The following CIT variants were observed in gnomAD, a reference collection of about 807,000 sequenced individuals.
CIT encodes the protein citron rho-interacting serine/threonine kinase.
Under a neutral mutation model 272.7 loss-of-function variants are expected in CIT, and 79 were observed. That is an observed-to-expected ratio of 0.29 (90% CI 0.24 to 0.35). CIT has a LOEUF of 0.35. CIT is among the 10% of genes least tolerant of loss of function. CIT has a pLI of 1.00. For synonymous variants in CIT, 948 were observed against 995.6 expected (o/e 0.95, Z 0.90); for missense variants, 1,909 against 2,618.3 (o/e 0.73, Z 5.91).
At chr12:119,717,844 T>C (rs1221790016) in intron 32 of CIT, among the ~76,000 whole-genome samples, 2 of 123,702 alleles carry the variant, frequency 1.6e-5, no homozygotes, top group Non-Finnish European at 3.4e-5. Flanking sequence ...CTTTCTTTTT[T>C]TTTTTTTTTT....
chr12:119,871,026 G>A (rs1307982092), intron 2 of CIT, among the ~76,000 whole-genome samples: 1 of 151,862 alleles, frequency 6.6e-6, no homozygotes, highest in African/African-American at 2.4e-5. Flanking sequence ...GGCTGGGGCA[G>A]GAGAATTGCT....
In CIT at chr12:119,876,176, C is replaced by G. The variant is rs780550388; in HGVS notation, c.-8G>C. On this transcript the variant is annotated 5_prime_UTR_variant, in exon 2 of 48. Coordinates refer to ENST00000392521, the MANE Select transcript of CIT (RefSeq NM_001206999.2). ...ATATTTGAACTTCAACATCTCCCCA[C>G]TGGCGCTGAAAGGATATCAGAAAAG... 29 of 1,607,394 alleles carry G rather than the reference C, an allele frequency of 1.8e-5. No homozygotes were observed. The highest frequency in any genetic ancestry group is 2.4e-5 in the Non-Finnish European group (28 of 1,174,312).
intron 32 of CIT, among the ~76,000 whole-genome samples, chr12:119,714,669 A>G (rs1428867614): frequency 6.6e-6 from 1 of 152,220 alleles, no homozygotes; most frequent in East Asian, 1.9e-4. Context: ...TACAGTCTAA[A>G]AAAAGGAAGA....
In CIT at chr12:119,687,916, T is replaced by G. The variant is rs1393946713; in HGVS notation, c.*316A>C. ...ATGTTGTAGTTAGCATCCCGGTTGG[T>G]TTCCTTTGATGAACTAACTGGTACA... On this transcript the variant is annotated 3_prime_UTR_variant, in exon 48 of 48. Coordinates refer to ENST00000392521, the MANE Select transcript of CIT (RefSeq NM_001206999.2). 2.9e-6 allele frequency: 1 copy of G among 344,766 alleles called. No homozygotes were observed. The highest frequency in any genetic ancestry group is 2.1e-5 in the African/African-American group (1 of 47,368). The allele number at this position is 344,766 out of a possible 1,614,324, so 21.4% of individuals were successfully genotyped here. A position where few individuals can be genotyped will look rare whatever the true frequency, so the allele number is the denominator to read the frequency against.
intron 10 of CIT, among the ~76,000 whole-genome samples, chr12:119,791,452 G>A (rs916914555): frequency 5.3e-5 from 8 of 152,224 alleles, no homozygotes; most frequent in Non-Finnish European, 7.3e-5. Context: ...TCACTTTAGG[G>A]TTCAGGGGAG....
intron 5 of CIT, among the ~76,000 whole-genome samples, chr12:119,846,743 A>C (rs2138220288): frequency 6.6e-6 from 1 of 152,262 alleles, no homozygotes; most frequent in South Asian, 2.1e-4. Context: ...AGTCTCTATG[A>C]AAAATTTAAA....
chr12:119,832,593 A>G (rs752601427), intron 7 of CIT, among the ~76,000 whole-genome samples, 178 bp downstream of exon 7: 11 of 152,244 alleles, frequency 7.2e-5, no homozygotes, highest in Non-Finnish European at 2.9e-5. Context: ...AACAGGCACT[A>G]TAAATAAAAA....
chr12:119,834,021 T>C (rs1968827947), intron 6 of CIT, 65 bp downstream of exon 6: 9 of 1,480,732 alleles, frequency 6.1e-6, no homozygotes, highest in Non-Finnish European at 8.2e-6. Flanking sequence ...CTCATTTCCA[T>C]GCAGGAACTC....
intron 2 of CIT, among the ~76,000 whole-genome samples, chr12:119,872,303 C>A (rs752381552): frequency 3.3e-5 from 5 of 152,008 alleles, no homozygotes; most frequent in Non-Finnish European, 5.9e-5. Context: ...ATTTTGCTGG[C>A]TCAGAAAGTC....
chr12:119,868,506 C>A (rs1950577987), intron 3 of CIT, among the ~76,000 whole-genome samples: 1 of 152,128 alleles, frequency 6.6e-6, no homozygotes, highest in Non-Finnish European at 1.5e-5. Flanking sequence ...TAAAACTTAA[C>A]TCATTCCTGG....
intron 5 of CIT, among the ~76,000 whole-genome samples, chr12:119,835,875 C>T (rs1007218098): frequency 5.9e-5 from 9 of 152,146 alleles, no homozygotes; most frequent in Non-Finnish European, 2.9e-5. Flanking sequence ...CTGGGGGCTC[C>T]TTATAACCTG....
intron 25 of CIT, 138 bp downstream of exon 25, chr12:119,735,021 GA>G (rs1849669995): frequency 1.3e-6 from 1 of 781,866 alleles, no homozygotes. Flanking sequence ...TAAAGGCTTG[GA>G]AAAAAGACAT....
At chr12:119,814,380 A>T (rs1207407327) in intron 9 of CIT, among the ~76,000 whole-genome samples, 2 of 152,216 alleles carry the variant, frequency 1.3e-5, no homozygotes, top group Non-Finnish European at 2.9e-5. Context: ...TATAAGAGCT[A>T]CTGACTATAG....
At position 119,776,738 on chromosome 12, in the gene CIT, T is replaced by C. The variant is rs756173818; in HGVS notation, c.1770A>G (p.Arg590=). The part of the protein sequence containing the change: ...RRSDLYESEL[R]ESRLAAEEFK... ...ATTCTTCAGCAGCAAGCCGAGACTCTCTCAGCTCAGATTCGTAGAGATCAC... is the reference window on the plus strand; with the variant it reads ...ATTCTTCAGCAGCAAGCCGAGACTCCCTCAGCTCAGATTCGTAGAGATCAC... The change falls in exon 14 of 48, where the codon AGA becomes AGG. Residue 590 remains arginine (R), a synonymous_variant. Coordinates refer to ENST00000392521, the MANE Select transcript of CIT (RefSeq NM_001206999.2). 6.2e-7 allele frequency: 1 copy of C among 1,614,116 alleles called. No individual in the cohort carries two copies. The highest frequency in any genetic ancestry group is 1.1e-5 in the South Asian group (1 of 91,082).
At chr12:119,874,658 C>G (rs1950784647) in intron 2 of CIT, among the ~76,000 whole-genome samples, 1 of 152,068 alleles carries the variant, frequency 6.6e-6, no homozygotes, top group Admixed American at 6.5e-5. Flanking sequence ...TGGTATTCAT[C>G]AAAACTTTTT....
At chr12:119,827,496 G>A (rs560365522) in intron 7 of CIT, among the ~76,000 whole-genome samples, 1 of 151,090 alleles carries the variant, frequency 6.6e-6, no homozygotes, top group South Asian at 2.1e-4. Context: ...GGAGTGCAGT[G>A]CTGCGATCTC....
chr12:119,824,081 GCA>G (rs1222505022), intron 8 of CIT, among the ~76,000 whole-genome samples: 1 of 123,332 alleles, frequency 8.1e-6, no homozygotes, highest in African/African-American at 3.0e-5. Flanking sequence ...GTAGTAGAAA[GCA>G]CAGTTATTAG....
In CIT at chr12:119,850,287, A is replaced by C. The variant is rs779269389; in HGVS notation, c.415-12T>G. On this transcript the variant is annotated splice_polypyrimidine_tract_variant and intron_variant, in intron 4 of 47. Transcript: ENST00000392521. Reference sequence around the variant, plus strand: ...TCAAAAAATGAAACCTAGGGAAAAAAGAAACTGCTTAGACAATTATAAAGA... The same window carrying C: ...TCAAAAAATGAAACCTAGGGAAAAACGAAACTGCTTAGACAATTATAAAGA... 1.9e-6 allele frequency: 3 copies of C among 1,556,466 alleles called. No individual in the cohort carries two copies. The highest frequency in any genetic ancestry group is 2.7e-6 in the Non-Finnish European group (3 of 1,128,570).
At chr12:119,704,082 TC>T (rs1956741727) in intron 41 of CIT, among the ~76,000 whole-genome samples, 1 of 152,154 alleles carries the variant, frequency 6.6e-6, no homozygotes, top group South Asian at 2.1e-4. Flanking sequence ...CAGTCAACTT[TC>T]TGTTCTAACA....
Sources: allele counts gnomAD v4.1 joint callset (sites outside exome capture counted in the v4.1 genomes callset), GRCh38; gene constraint gnomAD v4.1.1; transcripts MANE v1.5; gene names NCBI Gene and HGNC (gene_info 2026-07-23, HGNC 2026-07-21).